The following FMNL2 variants were observed in gnomAD, a reference collection of about 807,000 sequenced individuals.
FMNL2 encodes the protein formin like 2, also known as formin-like protein 2.
FMNL2 carries 51 observed loss-of-function variants against 130.2 expected under a neutral mutation model. The ratio of observed to expected loss-of-function variants is 0.39; its 90% confidence interval spans 0.31 to 0.49. The LOEUF is 0.49. FMNL2 is among the 20% of genes least tolerant of loss of function. The probability of loss-of-function intolerance (pLI) is 0.85; values close to 1 mark genes in which losing one functional copy is unlikely to be tolerated. For synonymous variants in FMNL2, 465 were observed against 467.1 expected, an observed-to-expected ratio of 1.00 and a Z score of 0.06; for missense variants, 977 against 1,316.2, an observed-to-expected ratio of 0.74 and a Z score of 3.99.
chr2:152,575,407 A>G (rs1007580167), intron 7 of FMNL2, among the ~76,000 whole-genome samples, 163 bp downstream of exon 7: 1 of 151,584 alleles, frequency 6.6e-6, no homozygotes, highest in Non-Finnish European at 1.5e-5. Context: ...TGTACCCCTA[A>G]AGCTGTTGAA....
At chr2:152,627,669 G>T (rs1681887209) in intron 17 of FMNL2, among the ~76,000 whole-genome samples, 2 of 152,180 alleles carry the variant, frequency 1.3e-5, no homozygotes, top group South Asian at 2.1e-4. Flanking sequence ...AACAAAGATT[G>T]TCCAGAGAAT....
At chr2:152,543,570 T>C (rs114965097) in intron 3 of FMNL2, among the ~76,000 whole-genome samples, 2,158 of 152,190 alleles carry the variant, frequency 0.014, 24 homozygotes, top group Non-Finnish European at 0.024. Context: ...TCTCTCAGGC[T>C]GATTCTCTCT....
intron 1 of FMNL2, among the ~76,000 whole-genome samples, chr2:152,463,681 T>C (rs1268620061): frequency 6.6e-6 from 1 of 152,236 alleles, no homozygotes; most frequent in Non-Finnish European, 1.5e-5. Flanking sequence ...GTCTCAAATT[T>C]AGGAGCAGTG....
intron 1 of FMNL2, among the ~76,000 whole-genome samples, chr2:152,513,359 A>G (rs1281960828): frequency 6.6e-6 from 1 of 152,202 alleles, no homozygotes. Flanking sequence ...ACAATACAGT[A>G]TTGTTAACTA....
At chr2:152,548,278 C>T (rs2105525137) in intron 3 of FMNL2, among the ~76,000 whole-genome samples, 1 of 152,300 alleles carries the variant, frequency 6.6e-6, no homozygotes, top group South Asian at 2.1e-4. Flanking sequence ...CTATGCTTAG[C>T]AAAGGGCCTG....
At chr2:152,375,091 T>G (rs891584196) in intron 1 of FMNL2, among the ~76,000 whole-genome samples, 2 of 152,266 alleles carry the variant, frequency 1.3e-5, no homozygotes, top group Admixed American at 6.5e-5. Context: ...TATTTTAATT[T>G]TTTACATTTA....
chr2:152,525,120 G>A (rs1485113042), intron 2 of FMNL2, among the ~76,000 whole-genome samples: 1 of 152,170 alleles, frequency 6.6e-6, no homozygotes, highest in Admixed American at 6.5e-5. Context: ...GAGAACATCT[G>A]TTTCCAAACT....
chr2:152,629,625 T>TC, intron 18 of FMNL2, 31 bp from the exon 19 acceptor site: 3 of 1,559,694 alleles, frequency 1.9e-6, no homozygotes, highest in Admixed American at 3.8e-5. Context: ...ATGTCTTTTT[T>TC]CCCCTTTTTC....
intron 25 of FMNL2, among the ~76,000 whole-genome samples, chr2:152,644,220 C>T (rs1292137097): frequency 1.3e-5 from 2 of 151,858 alleles, no homozygotes; most frequent in African/African-American, 4.8e-5. Context: ...GACCCTGTCT[C>T]AAAAAAACAA....
intron 1 of FMNL2, among the ~76,000 whole-genome samples, chr2:152,361,064 A>G (rs1579477201): frequency 6.6e-6 from 1 of 152,336 alleles, no homozygotes; most frequent in South Asian, 2.1e-4. Flanking sequence ...AGATACTGAG[A>G]AAAGGGCTAA....
chr2:152,611,663 C>G lies in FMNL2; in HGVS notation c.1062+58C>G, dbSNP rs1195431877. ...AAGAATTGACTTATTATTGCCTGCC[C>G]TCAAAGGTACGCTTCCATAGCAGCT... On this transcript the variant is annotated intron_variant, in intron 11 of 25. Coordinates refer to ENST00000288670, the MANE Select transcript of FMNL2 (RefSeq NM_052905.4). The G allele has an allele frequency of 9.1e-6, 10 of 1,100,426 alleles. No homozygotes were observed. In the East Asian group the frequency reaches 2.0e-4, roughly 22 times the overall value. 68.2% of individuals were successfully genotyped at this position (1,100,426 alleles called of 1,614,324 possible). A position where few individuals can be genotyped will look rare whatever the true frequency, so the allele number is the denominator to read the frequency against.
intron 9 of FMNL2, among the ~76,000 whole-genome samples, chr2:152,605,056 T>TA (rs1698288943): frequency 2.0e-5 from 3 of 152,036 alleles, no homozygotes; most frequent in Admixed American, 2.0e-4. Flanking sequence ...GCTGGGCCTG[T>TA]ACTGCCTCAC....
At chr2:152,414,625 C>T (rs1686502159) in intron 1 of FMNL2, among the ~76,000 whole-genome samples, 1 of 152,132 alleles carries the variant, frequency 6.6e-6, no homozygotes, top group Non-Finnish European at 1.5e-5. Flanking sequence ...ATTTGAATGA[C>T]CAGGTCCACC....
At chr2:152,643,016 AAC>A (rs1484981096) in intron 25 of FMNL2, among the ~76,000 whole-genome samples, 1 of 152,036 alleles carries the variant, frequency 6.6e-6, no homozygotes, top group Non-Finnish European at 1.5e-5. Context: ...CTCAAAAAAA[AAC>A]AAAACAAAAC....
chr2:152,380,647 C>T (rs1166800577), intron 1 of FMNL2, among the ~76,000 whole-genome samples: 2 of 152,196 alleles, frequency 1.3e-5, no homozygotes, highest in East Asian at 1.9e-4. Flanking sequence ...GGATTACTCG[C>T]TGTACCTACC....
At chr2:152,460,351 A>T (rs1689171583) in intron 1 of FMNL2, among the ~76,000 whole-genome samples, 1 of 152,220 alleles carries the variant, frequency 6.6e-6, no homozygotes, top group Non-Finnish European at 1.5e-5. Flanking sequence ...GTCCTGCCAG[A>T]TAAAAGACTG....
intron 1 of FMNL2, among the ~76,000 whole-genome samples, chr2:152,375,877 C>CTCTCTATATATATATATATATATATATA (rs796954245): frequency 5.3e-5 from 6 of 112,478 alleles, no homozygotes; most frequent in East Asian, 5.4e-4. Context: ...CTCTCTCTCT[C>CTCTCTATATATATATATATATATATATA]TATATATATA....
chr2:152,442,163 C>A (rs142464170), intron 1 of FMNL2, among the ~76,000 whole-genome samples: 1 of 152,064 alleles, frequency 6.6e-6, no homozygotes, highest in African/African-American at 2.4e-5. Context: ...ACCTCCTCAG[C>A]GTCACCTACT....
chr2:152,624,130 A>C, intron 15 of FMNL2, among the ~76,000 whole-genome samples: 2 of 115,136 alleles, frequency 1.7e-5, no homozygotes, highest in East Asian at 2.9e-4. Flanking sequence ...TTCCCATCTC[A>C]AAAAAGAGGA....
Sources: allele counts gnomAD v4.1 joint callset (sites outside exome capture counted in the v4.1 genomes callset), GRCh38; gene constraint gnomAD v4.1.1; transcripts MANE v1.5; gene names NCBI Gene and HGNC (gene_info 2026-07-23, HGNC 2026-07-21).